KCNQ5: variants seen among roughly 807,000 people sequenced by gnomAD.
KCNQ5 encodes potassium voltage-gated channel subfamily KQT member 5.
Under a neutral mutation model 98.2 loss-of-function variants are expected in KCNQ5, and 30 were observed. The ratio of observed to expected loss-of-function variants is 0.31; its 90% CI spans 0.23 to 0.41. KCNQ5 has a LOEUF of 0.41. KCNQ5 is among the 10% of genes least tolerant of loss of function. KCNQ5 has a pLI of 1.00. For synonymous variants in KCNQ5, 458 were observed against 449.4 expected (o/e 1.02, Z -0.24); for missense variants, 835 against 1,182.5 (o/e 0.71, Z 4.31).
At chr6:73,161,640 CAGAA>C (rs1777618699) in intron 10 of KCNQ5, among the ~76,000 whole-genome samples, 1 of 152,042 alleles carries the variant, frequency 6.6e-6, no homozygotes, top group Non-Finnish European at 1.5e-5. Context: ...AAAAGAAATG[CAGAA>C]AGAATCTAAT....
intron 1 of KCNQ5, among the ~76,000 whole-genome samples, chr6:72,697,637 T>A (rs971698407): frequency 6.6e-6 from 1 of 152,178 alleles, no homozygotes; most frequent in East Asian, 1.9e-4. Context: ...TATTTGGTAA[T>A]GAAAGTCAAG....
intron 1 of KCNQ5, among the ~76,000 whole-genome samples, chr6:72,664,879 T>C (rs1766717318): frequency 6.6e-6 from 1 of 152,214 alleles, no homozygotes; most frequent in Admixed American, 6.5e-5. Context: ...TACTGTCATT[T>C]TTACCATTAA....
chr6:72,977,007 A>T (rs1768186144), intron 1 of KCNQ5, among the ~76,000 whole-genome samples: 2 of 152,242 alleles, frequency 1.3e-5, no homozygotes, highest in African/African-American at 4.8e-5. Context: ...CATTTTAAGC[A>T]GGGATTTTAT....
intron 1 of KCNQ5, among the ~76,000 whole-genome samples, chr6:72,657,423 C>T (rs1400848545): frequency 6.6e-6 from 1 of 151,958 alleles, no homozygotes; most frequent in Non-Finnish European, 1.5e-5. Context: ...AAAATTCATC[C>T]CCTGATTAAT....
At chr6:73,027,209 A>G (rs1474495256) in intron 2 of KCNQ5, among the ~76,000 whole-genome samples, 1 of 152,208 alleles carries the variant, frequency 6.6e-6, no homozygotes, top group Non-Finnish European at 1.5e-5. Flanking sequence ...GCAAATACAG[A>G]TCAAGGAACT....
chr6:73,045,818 A>G (rs1469224550), intron 3 of KCNQ5, among the ~76,000 whole-genome samples: 1 of 152,152 alleles, frequency 6.6e-6, no homozygotes, highest in Non-Finnish European at 1.5e-5. Context: ...TTCCAAAGGC[A>G]GATATAACAG....
intron 1 of KCNQ5, among the ~76,000 whole-genome samples, chr6:72,909,592 A>G (rs1249282187): frequency 6.6e-6 from 1 of 152,178 alleles, no homozygotes; most frequent in East Asian, 1.9e-4. Context: ...AGAACCATGA[A>G]GAGAGCTAAG....
intron 1 of KCNQ5, among the ~76,000 whole-genome samples, chr6:72,678,765 T>C (rs2154473684): frequency 6.6e-6 from 1 of 152,304 alleles, no homozygotes; most frequent in East Asian, 1.9e-4. Context: ...TAAGTAATTA[T>C]TTCTTTCCCA....
chr6:73,160,543 C>A (rs942548025), intron 10 of KCNQ5, among the ~76,000 whole-genome samples: 1 of 152,128 alleles, frequency 6.6e-6, no homozygotes, highest in African/African-American at 2.4e-5. Context: ...AAACCTTGTT[C>A]CTGTATCACC....
chr6:72,956,523 C>A (rs1275090860), intron 1 of KCNQ5, among the ~76,000 whole-genome samples: 1 of 136,214 alleles, frequency 7.3e-6, no homozygotes, highest in Non-Finnish European at 1.6e-5. Context: ...TCTTTTTAAC[C>A]CTTTTTTTCT....
At chr6:73,180,067 C>G (rs1321413917) in intron 11 of KCNQ5, among the ~76,000 whole-genome samples, 7 of 152,214 alleles carry the variant, frequency 4.6e-5, no homozygotes, top group Non-Finnish European at 1.0e-4. Context: ...CTAGGGGAGG[C>G]AGCCACATGG....
chr6:73,100,726 CAAAA>C (rs1355691832), intron 5 of KCNQ5, among the ~76,000 whole-genome samples: 3 of 148,098 alleles, frequency 2.0e-5, no homozygotes, highest in South Asian at 2.2e-4. Context: ...AAAAGATAAA[CAAAA>C]ATGACAAACT....
intron 1 of KCNQ5, among the ~76,000 whole-genome samples, chr6:72,630,824 T>C (rs1290775804): frequency 6.6e-6 from 1 of 152,202 alleles, no homozygotes; most frequent in Non-Finnish European, 1.5e-5. Flanking sequence ...CTATATGTGA[T>C]GGGCAATCTT....
intron 1 of KCNQ5, among the ~76,000 whole-genome samples, chr6:72,765,016 C>T (rs1027454665): frequency 1.3e-5 from 2 of 151,972 alleles, no homozygotes; most frequent in Non-Finnish European, 2.9e-5. Flanking sequence ...TTTATTCATT[C>T]ATCTGTTGAT....
intron 1 of KCNQ5, among the ~76,000 whole-genome samples, chr6:72,677,757 G>A (rs984464801): frequency 1.3e-5 from 2 of 152,098 alleles, no homozygotes; most frequent in Non-Finnish European, 2.9e-5. Context: ...AAGTACCTAG[G>A]AATTACTTAT....
chr6:73,089,819 G>A (rs1774158738), intron 5 of KCNQ5, among the ~76,000 whole-genome samples: 1 of 152,026 alleles, frequency 6.6e-6, no homozygotes, highest in Admixed American at 6.6e-5. Flanking sequence ...ATTGATTGAT[G>A]GGCATTTGGG....
intron 1 of KCNQ5, among the ~76,000 whole-genome samples, chr6:72,686,883 A>C (rs1239664814): frequency 6.6e-6 from 1 of 152,124 alleles, no homozygotes; most frequent in Non-Finnish European, 1.5e-5. Flanking sequence ...AGAAAAAAAT[A>C]GGTTAATCTA....
chr6:72,837,519 C>A (rs912868935), intron 1 of KCNQ5, among the ~76,000 whole-genome samples: 1 of 152,050 alleles, frequency 6.6e-6, no homozygotes, highest in Non-Finnish European at 1.5e-5. Flanking sequence ...GAATATTGAC[C>A]TTTCAGTCTC....
At chr6:72,661,564 C>A (rs1237807031) in intron 1 of KCNQ5, among the ~76,000 whole-genome samples, 1 of 151,996 alleles carries the variant, frequency 6.6e-6, no homozygotes. Context: ...TCCATTTATT[C>A]AGCCTGACTT....
Sources: allele counts gnomAD v4.1 joint callset (sites outside exome capture counted in the v4.1 genomes callset), GRCh38; gene constraint gnomAD v4.1.1; transcripts MANE v1.5; gene names NCBI Gene and HGNC (gene_info 2026-07-23, HGNC 2026-07-21).